HNF1B: variants seen among roughly 807,000 people sequenced by gnomAD.
The protein encoded by HNF1B is hepatocyte nuclear factor 1-beta.
In HNF1B, 8 loss-of-function variants were observed where a neutral mutation model predicts 61.7. The ratio of observed to expected loss-of-function variants is 0.13; its 90% CI spans 0.08 to 0.23. The LOEUF is 0.23. Among genes scored for constraint, HNF1B ranks in the 10% least tolerant of loss-of-function variants. The pLI is 1.00. For missense variants in HNF1B, 562 were observed against 714.5 expected, an observed-to-expected ratio of 0.79 and a Z score of 2.43; for synonymous variants, 314 against 287.7, an observed-to-expected ratio of 1.09 and a Z score of -0.93.
chr17:37,734,216 C>G (rs1209607223), intron 2 of HNF1B, among the ~76,000 whole-genome samples: 1 of 152,232 alleles, frequency 6.6e-6, no homozygotes, highest in African/African-American at 2.4e-5. Flanking sequence ...CTCAAAGGTA[C>G]AATTTACACT....
chr17:37,722,842 C>A (rs920380502), intron 4 of HNF1B, among the ~76,000 whole-genome samples: 4 of 152,092 alleles, frequency 2.6e-5, no homozygotes, highest in African/African-American at 9.7e-5. Flanking sequence ...CCCTTAGGAG[C>A]TCTGAGGTTT....
rs942582464 is a variant in HNF1B, at chr17:37,744,646, G to A, written c.239C>T (p.Ser80Phe). Reference protein sequence around the residue: ...AKGRLSGDEGSEDGDDYDTPP... With the variant: ...AKGRLSGDEGFEDGDDYDTPP... ...TGTGTCATAGTCGTCGCCGTCCTCG[G>A]AGCCCTCGTCGCCGGACAAGCGGCC... The change falls in exon 1 of 9, where the codon TCC becomes TTC. Residue 80 changes from serine to phenylalanine, a missense_variant. By Grantham distance (155) the Ser-to-Phe change is radical. Coordinates refer to ENST00000617811, the MANE Select transcript of HNF1B (RefSeq NM_000458.4). The A allele has an allele frequency of 6.2e-7, 1 of 1,612,792 alleles. No homozygotes were observed. Among genetic ancestry groups the A allele is most frequent in the Non-Finnish European group, 8.5e-7 (1 of 1,180,026 alleles).
At chr17:37,690,526 C>T (rs947239174) in intron 8 of HNF1B, among the ~76,000 whole-genome samples, 1 of 152,120 alleles carries the variant, frequency 6.6e-6, no homozygotes, top group Non-Finnish European at 1.5e-5. Flanking sequence ...CAGGGAGAGA[C>T]AAGGGGGCCT....
intron 7 of HNF1B, among the ~76,000 whole-genome samples, 191 bp from the exon 8 acceptor site, chr17:37,699,385 A>C (rs761855547): frequency 3.3e-5 from 5 of 151,160 alleles, no homozygotes; most frequent in Non-Finnish European, 5.9e-5. Flanking sequence ...AACTCCCGAA[A>C]GCATGTGGAT....
intron 1 of HNF1B, among the ~76,000 whole-genome samples, chr17:37,743,077 G>C (rs2034047739): frequency 6.6e-6 from 1 of 152,066 alleles, no homozygotes; most frequent in African/African-American, 2.4e-5. Context: ...CTCAGCTGCG[G>C]CCAGCCCGGC....
chr17:37,745,055 C>G lies in HNF1B; in HGVS notation c.-171G>C. ...GGCTCCTCCGAAAGGAGTCAGAAAA[C>G]TTCTAACTTGCCATGATCGCCACCA... On this transcript the variant is annotated 5_prime_UTR_variant, in exon 1 of 9. Coordinates refer to ENST00000617811, the MANE Select transcript of HNF1B (RefSeq NM_000458.4). The G allele has an allele frequency of 3.2e-6, 2 of 622,650 alleles. No homozygotes were observed. The highest frequency in any genetic ancestry group is 2.0e-5 in the South Asian group (1 of 50,840). The allele number at this position is 622,650 out of a possible 1,614,324, so 38.6% of individuals were successfully genotyped here.
intron 4 of HNF1B, among the ~76,000 whole-genome samples, chr17:37,724,456 A>T (rs2033426826): frequency 6.6e-6 from 1 of 152,160 alleles, no homozygotes; most frequent in Non-Finnish European, 1.5e-5. Flanking sequence ...GCCACATTTG[A>T]GAACTATTGT....
intron 8 of HNF1B, among the ~76,000 whole-genome samples, chr17:37,690,566 G>C (rs1418545419): frequency 6.6e-6 from 1 of 152,192 alleles, no homozygotes; most frequent in East Asian, 1.9e-4. Context: ...CCTGATGGGA[G>C]TGTGAGAAGA....
chr17:37,689,146 CAAAAAAA>C (rs71368464), intron 8 of HNF1B, among the ~76,000 whole-genome samples: 8 of 62,406 alleles, frequency 1.3e-4, no homozygotes, highest in East Asian at 4.5e-4. Flanking sequence ...CTTGGTCTCA[CAAAAAAA>C]AAAAAAAAAA....
chr17:37,731,477 G>A (rs757166336), intron 4 of HNF1B, 118 bp downstream of exon 4: 24 of 803,356 alleles, frequency 3.0e-5, no homozygotes, highest in African/African-American at 6.8e-5. Context: ...ATGAGAGAGC[G>A]GCCCTAGGAT....
chr17:37,739,744 TC>T (rs1289004870), intron 1 of HNF1B, 105 bp from the exon 2 acceptor site: 2 of 1,091,804 alleles, frequency 1.8e-6, no homozygotes, highest in Non-Finnish European at 2.7e-6. Context: ...TTCTGAATTT[TC>T]CCCCCATCTA....
intron 4 of HNF1B, chr17:37,731,252 C>T: frequency 2.2e-6 from 1 of 452,762 alleles, no homozygotes; most frequent in East Asian, 4.2e-5. Context: ...ACCCGTTTGC[C>T]TGCGGTTTGG....
intron 8 of HNF1B, among the ~76,000 whole-genome samples, chr17:37,690,326 A>G (rs12150371): frequency 0.055 from 8,304 of 152,274 alleles, 317 homozygotes; most frequent in East Asian, 0.17. Context: ...GAACGGCGAC[A>G]CTGGCAGGGG....
intron 5 of HNF1B, 45 bp downstream of exon 5, chr17:37,710,458 C>T: frequency 6.2e-7 from 1 of 1,609,884 alleles, no homozygotes. Flanking sequence ...TGTTTTGCCT[C>T]TTATCTTATC....
Position 37,725,567 on chromosome 17 carries a change from C to T in HNF1B, c.1045+6028G>A, listed in dbSNP as rs139579910. Among the ~76,000 whole-genome samples the T allele has an allele frequency of 5.9e-5, 9 of 152,278 alleles. 1 individual carries two copies. Among genetic ancestry groups the T allele is most frequent in the Admixed American group, 6.5e-5 (1 of 15,302 alleles). ...ATAAAATGGCACTCAGATAAAGTCC[C>T]TAAGAAGGAGAATGCTGGAGCCACC... is the stretch of plus-strand genomic sequence containing the variant. On this transcript the variant is annotated intron_variant, in intron 4 of 8. Coordinates refer to ENST00000617811, the MANE Select transcript of HNF1B (RefSeq NM_000458.4).
rs35797632 is a variant in HNF1B, at chr17:37,706,676, TAAAAA to T, written c.1207-1632_1207-1628del. On this transcript the variant is annotated intron_variant, in intron 5 of 8. Transcript: ENST00000617811. ...ACTTGTTTTTCAAAATACCAGTCAT[TAAAAA>T]AAAAAAAAAAAAAATCCGTAGCCTG... 7.9e-4 allele frequency among the ~76,000 whole-genome samples: 104 copies of T among 131,140 alleles called. 1 individual carries two copies. In the East Asian group the frequency reaches 0.016, roughly 21 times the overall value. 86.0% of individuals were successfully genotyped at this position (131,140 alleles called of 152,430 possible).
intron 2 of HNF1B, among the ~76,000 whole-genome samples, chr17:37,737,783 C>T (rs2033875843): frequency 1.3e-5 from 2 of 151,872 alleles, no homozygotes; most frequent in African/African-American, 2.4e-5. Flanking sequence ...TGCAGTGAGC[C>T]AAGATCGCGC....
rs2033994126 is a variant in HNF1B at position 37,741,639 on chromosome 17, G to C, written c.345-2000C>G. ...AAATACTTTCAACGGCTACGAACAA[G>C]ACTCCTCGAACCTTAGGGGAAAAAT... On this transcript the variant is annotated intron_variant, in intron 1 of 8. Coordinates refer to ENST00000617811, the MANE Select transcript of HNF1B (RefSeq NM_000458.4). Among the ~76,000 whole-genome samples the C allele has an allele frequency of 2.0e-5, 3 of 152,192 alleles. No individual in the cohort carries two copies. In the South Asian group the frequency reaches 6.2e-4, roughly 31 times the overall value.
intron 8 of HNF1B, among the ~76,000 whole-genome samples, chr17:37,688,935 A>G (rs3094512): frequency 0.45 from 68,188 of 151,892 alleles, 16,159 homozygotes; most frequent in African/African-American, 0.61. Flanking sequence ...TCACAAGGTC[A>G]GGAGATCGAG....
Sources: allele counts gnomAD v4.1 joint callset (sites outside exome capture counted in the v4.1 genomes callset), GRCh38; gene constraint gnomAD v4.1.1; transcripts MANE v1.5; gene names NCBI Gene and HGNC (gene_info 2026-07-23, HGNC 2026-07-21).